Variants in RABGAP1L observed in about 807,000 individuals in gnomAD.
RABGAP1L encodes the protein rab GTPase-activating protein 1-like.
A neutral mutation model predicts 137.7 loss-of-function variants in RABGAP1L; 63 were observed. The observed-to-expected ratio is 0.46, with a 90% CI of 0.37 to 0.56. The LOEUF (loss-of-function observed/expected upper bound fraction) is 0.56. RABGAP1L is among the 20% of genes least tolerant of loss of function. The pLI, the probability that RABGAP1L is intolerant of heterozygous loss-of-function variation, is 0.00. For synonymous variants in RABGAP1L, 431 were observed against 433.7 expected, an observed-to-expected ratio of 0.99 and a Z score of 0.08; for missense variants, 1,095 against 1,244.0, an observed-to-expected ratio of 0.88 and a Z score of 1.80.
At chr1:174,191,657 C>T (rs998174419) in intron 1 of RABGAP1L, among the ~76,000 whole-genome samples, 2 of 152,288 alleles carry the variant, frequency 1.3e-5, no homozygotes, top group African/African-American at 4.8e-5. Flanking sequence ...TGCCACATTC[C>T]TGTTGCTTTC....
rs116697267 is a variant in RABGAP1L at position 174,550,471 on chromosome 1, A to G, written c.1711-86904A>G. 1.8e-3 allele frequency among the ~76,000 whole-genome samples: 272 copies of G among 152,226 alleles called. 2 individuals are homozygous for G. The highest frequency in any genetic ancestry group is 6.2e-3 in the African/African-American group (259 of 41,528). On this transcript the variant is annotated intron_variant, in intron 13 of 25. Coordinates refer to ENST00000681986, the MANE Select transcript of RABGAP1L (RefSeq NM_001366446.1). ...CTATCTTCTGCAAATTAGCAAATCA[A>G]CGATAGTCCTAGGCTTCTGAAAGTC... is the stretch of plus-strand genomic sequence containing the variant.
At chr1:174,941,732 G>C (rs142396744) in intron 19 of RABGAP1L, among the ~76,000 whole-genome samples, 1 of 152,014 alleles carries the variant, frequency 6.6e-6, no homozygotes, top group Non-Finnish European at 1.5e-5. Flanking sequence ...CTGACACTTC[G>C]GAATGGTCAA....
rs1394473821 is a variant in RABGAP1L, at chr1:174,761,214, T to TTTTA, written c.2211+8876_2211+8879dup. Among the ~76,000 whole-genome samples, 4 of 152,064 alleles carry TTTTA rather than the reference T, an allele frequency of 2.6e-5. No individual in the cohort carries two copies. The highest frequency in any genetic ancestry group is 3.9e-4 in the East Asian group (2 of 5,160). ...AGGGCTTGTGTAGGGAAACTCTTGT[T>TTTTA]TTTATTTATTTATTTATTTTTTAAT... On this transcript the variant is annotated intron_variant, in intron 18 of 25. Transcript: ENST00000681986. The surrounding 1 kb of genome is among the most constrained non-coding windows in gnomAD (Gnocchi z 4.0).
chr1:174,182,454 TTAGAGG>T (rs1221633115), intron 1 of RABGAP1L, among the ~76,000 whole-genome samples: 1 of 152,168 alleles, frequency 6.6e-6, no homozygotes, highest in Non-Finnish European at 1.5e-5. Flanking sequence ...AATACTTTGG[TTAGAGG>T]TAAAGAACAG....
intron 19 of RABGAP1L, among the ~76,000 whole-genome samples, chr1:174,825,380 C>G (rs1276430559): frequency 2.0e-5 from 3 of 152,210 alleles, no homozygotes; most frequent in Non-Finnish European, 4.4e-5. Flanking sequence ...TTATCCCTAA[C>G]CCGTAGAGTC....
At chr1:174,781,092 G>T (rs1293818801) in intron 18 of RABGAP1L, among the ~76,000 whole-genome samples, 4 of 152,034 alleles carry the variant, frequency 2.6e-5, no homozygotes, top group Non-Finnish European at 5.9e-5. Context: ...CCCAGTAATG[G>T]GATGGCTGGG....
chr1:174,772,339 A>G (rs1469589303), intron 18 of RABGAP1L, among the ~76,000 whole-genome samples: 1 of 152,118 alleles, frequency 6.6e-6, no homozygotes, highest in African/African-American at 2.4e-5. Flanking sequence ...GCACTTTGGG[A>G]GGCCAAGGTG....
At chr1:174,461,919 T>C (rs1656735683) in intron 13 of RABGAP1L, among the ~76,000 whole-genome samples, 1 of 152,132 alleles carries the variant, frequency 6.6e-6, no homozygotes, top group South Asian at 2.1e-4. Context: ...TCAGGTTTTT[T>C]CCATAATGTT....
chr1:174,186,024 T>G (rs1558012917), intron 1 of RABGAP1L, among the ~76,000 whole-genome samples: 1 of 151,734 alleles, frequency 6.6e-6, no homozygotes, highest in East Asian at 1.9e-4. Context: ...ATGCCTGTAT[T>G]CCCAGCTACT....
intron 3 of RABGAP1L, among the ~76,000 whole-genome samples, chr1:174,229,254 G>C (rs1188205899): frequency 6.6e-6 from 1 of 152,148 alleles, no homozygotes; most frequent in Non-Finnish European, 1.5e-5. Context: ...AGGAAGTTAG[G>C]CTGCTTAATA....
intron 4 of RABGAP1L, among the ~76,000 whole-genome samples, chr1:174,238,088 C>T (rs961951229): frequency 1.3e-5 from 2 of 152,118 alleles, no homozygotes; most frequent in African/African-American, 4.8e-5. Context: ...CTGCATTATT[C>T]ACGTAGTTCT....
chr1:174,842,745 C>A (rs1025368780), intron 19 of RABGAP1L, among the ~76,000 whole-genome samples: 1 of 152,126 alleles, frequency 6.6e-6, no homozygotes, highest in Admixed American at 6.5e-5. Context: ...TTTCTCAGGT[C>A]CCTTTCAGTG....
chr1:174,753,767 G>C (rs765197964), intron 18 of RABGAP1L, among the ~76,000 whole-genome samples: 2 of 152,058 alleles, frequency 1.3e-5, no homozygotes, highest in Non-Finnish European at 2.9e-5. Context: ...ATGTAATACA[G>C]ACTAAAAAAA....
Position 174,925,354 on chromosome 1 carries a change from C to CAAAAA in RABGAP1L, c.2341-32082_2341-32078dup, listed in dbSNP as rs545791515. On this transcript the variant is annotated intron_variant, in intron 19 of 25. Coordinates refer to ENST00000681986, the MANE Select transcript of RABGAP1L (RefSeq NM_001366446.1). Reference sequence around the variant, plus strand: ...CAGAGCGAGACTCGAGACTCCGTCTCAAAAAAAAAAAAAAAAAAAAAAAAA... The same window carrying CAAAAA: ...CAGAGCGAGACTCGAGACTCCGTCTCAAAAAAAAAAAAAAAAAAAAAAAAAAAAAA... 2.7e-4 allele frequency among the ~76,000 whole-genome samples: 15 copies of CAAAAA among 54,720 alleles called. 1 individual carries two copies. Among genetic ancestry groups the CAAAAA allele is most frequent in the Non-Finnish European group, 3.1e-4 (8 of 26,082 alleles). 35.9% of individuals were successfully genotyped at this position (54,720 alleles called of 152,430 possible).
At position 174,370,959 on chromosome 1, in the gene RABGAP1L, T is replaced by C; in HGVS notation, c.1466-20T>C. ...TAATATATAAAATAATGTTTGTTGG[T>C]TTTTGCGTTTCTTCTGCAGAGAGTG... On this transcript the variant is annotated intron_variant, in intron 11 of 25. Transcript: ENST00000681986. 2 of 1,339,518 alleles carry C rather than the reference T, an allele frequency of 1.5e-6. No homozygotes were observed. Among genetic ancestry groups the C allele is most frequent in the Non-Finnish European group, 2.0e-6 (2 of 979,238 alleles). The allele number at this position is 1,339,518 out of a possible 1,614,324, so 83.0% of individuals were successfully genotyped here.
At chr1:174,378,054 C>T (rs370876408) in intron 12 of RABGAP1L, among the ~76,000 whole-genome samples, 40,651 of 138,174 alleles carry the variant, frequency 0.29, 6,715 homozygotes, top group African/African-American at 0.51. Flanking sequence ...TTTGTTCTTG[C>T]GATAGTTTAC....
intron 18 of RABGAP1L, among the ~76,000 whole-genome samples, chr1:174,776,604 T>G (rs1456425908): frequency 2.6e-5 from 4 of 152,218 alleles, no homozygotes; most frequent in South Asian, 2.1e-4. Context: ...CAGTTCCTTC[T>G]GAGTAAACAG....
chr1:174,784,295 A>G (rs1237345739), intron 18 of RABGAP1L, among the ~76,000 whole-genome samples: 1 of 152,120 alleles, frequency 6.6e-6, no homozygotes, highest in African/African-American at 2.4e-5. Context: ...CTGGGATTAC[A>G]GGCTTGAGCC....
rs891253679 is a variant in RABGAP1L at position 174,993,989 on chromosome 1, A to G, written c.*3988A>G. On this transcript the variant is annotated 3_prime_UTR_variant, in exon 26 of 26. Coordinates refer to ENST00000681986, the MANE Select transcript of RABGAP1L (RefSeq NM_001366446.1). ...ACCTGGGTACCACACAACCAAATAC[A>G]CATTGAGATTTCAAGAAATGATGAT... 1 of 152,214 alleles carries G rather than the reference A, an allele frequency of 6.6e-6. No individual in the cohort carries two copies. Among genetic ancestry groups the G allele is most frequent in the African/African-American group, 2.4e-5 (1 of 41,462 alleles). 9.4% of individuals were successfully genotyped at this position (152,214 alleles called of 1,614,324 possible).
Sources: allele counts gnomAD v4.1 joint callset (sites outside exome capture counted in the v4.1 genomes callset), GRCh38; gene constraint gnomAD v4.1.1; non-coding constraint Gnocchi (gnomAD v3.1); transcripts MANE v1.5; gene names NCBI Gene and HGNC (gene_info 2026-07-23, HGNC 2026-07-21).